MEST: variants seen among roughly 807,000 people sequenced by gnomAD.
MEST encodes the protein mesoderm-specific transcript homolog protein.
MEST carries 18 observed loss-of-function variants against 50.9 expected under a neutral mutation model. The observed-to-expected ratio is 0.35, with a 90% CI of 0.24 to 0.52. The LOEUF (loss-of-function observed/expected upper bound fraction) is 0.52, where lower values mean the gene tolerates loss of function less well. Among genes scored for constraint, MEST ranks in the 20% least tolerant of loss-of-function variants. The probability of loss-of-function intolerance (pLI) is 0.94; values close to 1 mark genes in which losing one functional copy is unlikely to be tolerated. For synonymous variants in MEST, 130 were observed against 154.1 expected, an observed-to-expected ratio of 0.84 and a Z score of 1.16; for missense variants, 282 against 425.3, an observed-to-expected ratio of 0.66 and a Z score of 2.96.
chr7:130,499,801 A>G (rs1239283966), intron 6 of MEST, 74 bp from the exon 7 acceptor site: 6 of 1,257,262 alleles, frequency 4.8e-6, no homozygotes, highest in Admixed American at 4.3e-5. Context: ...TGGGCAACCC[A>G]GTGAGATCCC....
chr7:130,489,154 T>C (rs1220348994), upstream of MEST: 1 of 152,202 alleles, frequency 6.6e-6, no homozygotes, highest in Non-Finnish European at 1.5e-5. Context: ...GCTGATCCCA[T>C]ACCACTGTTG....
intron 11 of MEST, 132 bp downstream of exon 11, chr7:130,504,128 T>A: frequency 3.0e-6 from 2 of 669,270 alleles, no homozygotes; most frequent in South Asian, 2.0e-5. Context: ...CAGGAAACAA[T>A]AAAAAGATTG....
chr7:130,491,889 C>T (rs1327778714), upstream of MEST, among the ~76,000 whole-genome samples: 3 of 151,894 alleles, frequency 2.0e-5, no homozygotes, highest in Admixed American at 1.3e-4. The surrounding 1 kb of genome is among the most constrained non-coding windows in gnomAD (Gnocchi z 6.8). Flanking sequence ...GGAGGGGGCT[C>T]GACACCCCTG....
rs782547245 is a variant in MEST, at chr7:130,498,131, T to G, written c.340-8T>G. 1 of 1,614,130 alleles carries G rather than the reference T, an allele frequency of 6.2e-7. No homozygotes were observed. Among genetic ancestry groups the G allele is most frequent in the Non-Finnish European group, 8.5e-7 (1 of 1,180,028 alleles). ...TCATCCTGTGTATGTGGGCTTTCCT[T>G]TCCTCAGAGACCACATCACTATTCC... On this transcript the variant is annotated splice_region_variant and splice_polypyrimidine_tract_variant and intron_variant, in intron 4 of 11. Coordinates refer to ENST00000223215, the MANE Select transcript of MEST (RefSeq NM_002402.4).
Position 130,495,417 on chromosome 7 carries a change from G to A in MEST, c.76G>A (p.Ala26Thr). ...GGGGCTGCTGGCCGTGCCCCTGCTT[G>A]CTGCGTACCTGCACATCCCACCCCC... ...QVGLLAVPLLAAYLHIPPPQL... is the reference protein window; with the variant it reads ...QVGLLAVPLLTAYLHIPPPQL... Residue 26 changes from alanine to threonine, a missense_variant, in exon 2 of 12, where the codon GCT (alanine) becomes ACT (threonine). Coordinates refer to ENST00000223215, the MANE Select transcript of MEST (RefSeq NM_002402.4). The A allele has an allele frequency of 6.2e-7, 1 of 1,613,752 alleles. No homozygotes were observed. The highest frequency in any genetic ancestry group is 8.5e-7 in the Non-Finnish European group (1 of 1,179,856).
Position 130,500,735 on chromosome 7 carries a change from T to G in MEST, c.648-54T>G, listed in dbSNP as rs1799245439. 1 of 1,479,748 alleles carries G rather than the reference T, an allele frequency of 6.8e-7. No individual in the cohort carries two copies. The highest frequency in any genetic ancestry group is 1.4e-5 in the African/African-American group (1 of 72,188). 91.7% of individuals were successfully genotyped at this position (1,479,748 alleles called of 1,614,324 possible). A position where few individuals can be genotyped will look rare whatever the true frequency, so the allele number is the denominator to read the frequency against. The stretch of plus-strand genomic sequence containing the variant: ...ATGGCCTCTGAGGTTCCAGCCATAT[T>G]GAACATTCTGAGTTCTCCTCACACT... On this transcript the variant is annotated intron_variant, in intron 8 of 11. Coordinates refer to ENST00000223215, the MANE Select transcript of MEST (RefSeq NM_002402.4). This position sits in a 1 kb window ranked among gnomAD's most constrained non-coding sequence, Gnocchi z 5.0.
At position 130,497,916 on chromosome 7, in the gene MEST, T is replaced by C; in HGVS notation, c.262-20T>C. On this transcript the variant is annotated intron_variant, in intron 3 of 11. Transcript: ENST00000223215. The surrounding 1 kb of genome is among the most constrained non-coding windows in gnomAD (Gnocchi z 4.0). ...GAGGGGCAGGAGCAGAAAGCCCAAATCATCGTTTCTTTCTTGTAGATTTGG... is the reference window on the plus strand; with the variant it reads ...GAGGGGCAGGAGCAGAAAGCCCAAACCATCGTTTCTTTCTTGTAGATTTGG... The C allele has an allele frequency of 6.2e-7, 1 of 1,613,172 alleles. No individual in the cohort carries two copies. The highest frequency in any genetic ancestry group is 8.5e-7 in the Non-Finnish European group (1 of 1,179,368).
In MEST at chr7:130,492,395, A is replaced by T. The variant is rs1295866803; in HGVS notation, c.26+56A>T. On this transcript the variant is annotated intron_variant, in intron 1 of 11. Transcript: ENST00000223215. The surrounding 1 kb of genome is among the most constrained non-coding windows in gnomAD (Gnocchi z 7.6). ...GCTGGCGGCCCTGGGACTAGGGCGCAGGCGAGCGGAGGACTGTGTGCCCGT... is the reference window on the plus strand; with the variant it reads ...GCTGGCGGCCCTGGGACTAGGGCGCTGGCGAGCGGAGGACTGTGTGCCCGT... The T allele has an allele frequency of 6.5e-6, 8 of 1,230,910 alleles. No homozygotes were observed. Among genetic ancestry groups the T allele is most frequent in the Non-Finnish European group, 7.2e-6 (7 of 974,184 alleles). 76.2% of individuals were successfully genotyped at this position (1,230,910 alleles called of 1,614,324 possible).
At chr7:130,488,506 T>C (rs1286396740), upstream of MEST, 2 of 152,218 alleles carry the variant, frequency 1.3e-5, no homozygotes, top group African/African-American at 2.4e-5. Context: ...TGTGGAGTAG[T>C]GGAAAGAAGG....
intron 6 of MEST, 73 bp downstream of exon 6, chr7:130,498,550 A>G: frequency 7.7e-7 from 1 of 1,307,020 alleles, no homozygotes; most frequent in Non-Finnish European, 1.1e-6. Context: ...CGGCACCTAA[A>G]TGGTAATCTG....
At chr7:130,493,184 A>G (rs1314869784) in intron 1 of MEST, 1 of 152,216 alleles carries the variant, frequency 6.6e-6, no homozygotes, top group Non-Finnish European at 1.5e-5. Flanking sequence ...CGATGTGACC[A>G]AACTGTCATG....
At chr7:130,488,909 C>G (rs929962474), upstream of MEST, 1 of 152,192 alleles carries the variant, frequency 6.6e-6, no homozygotes, top group African/African-American at 2.4e-5. Context: ...AGGGTCCTGT[C>G]TTACTGATTC....
intron 1 of MEST, chr7:130,486,690 C>T (rs1798630026): frequency 6.6e-6 from 1 of 152,264 alleles, no homozygotes; most frequent in Non-Finnish European, 1.5e-5. Context: ...ACACAAAAGT[C>T]ACACAACCCT....
chr7:130,493,141 T>C (rs1798896641), intron 1 of MEST: 2 of 152,152 alleles, frequency 1.3e-5, no homozygotes, highest in African/African-American at 4.8e-5. Flanking sequence ...TAAGTATTTT[T>C]CAGATTTCAG....
upstream of MEST, chr7:130,488,935 C>A (rs879959823): frequency 1.3e-5 from 2 of 152,174 alleles, no homozygotes; most frequent in Non-Finnish European, 2.9e-5. Context: ...GTTTCTCAAC[C>A]AAAACCCCTT....
rs1799229630 is a variant in MEST at position 130,500,381 on chromosome 7, A to C, written c.577-81A>C. 1 of 1,206,296 alleles carries C rather than the reference A, an allele frequency of 8.3e-7. No individual in the cohort carries two copies. Among genetic ancestry groups the C allele is most frequent in the Admixed American group, 2.2e-5 (1 of 45,148 alleles). The allele number at this position is 1,206,296 out of a possible 1,614,324, so 74.7% of individuals were successfully genotyped here. A position where few individuals can be genotyped will look rare whatever the true frequency, so the allele number is the denominator to read the frequency against. On this transcript the variant is annotated intron_variant, in intron 7 of 11. Coordinates refer to ENST00000223215, the MANE Select transcript of MEST (RefSeq NM_002402.4). This position sits in a 1 kb window ranked among gnomAD's most constrained non-coding sequence, Gnocchi z 5.0. Reference sequence around the variant, plus strand: ...TAGCAGGAGATTTGGCTAAAGATTTAGTTCCTAGTATAAAACCTTTTGCCC... The same window carrying C: ...TAGCAGGAGATTTGGCTAAAGATTTCGTTCCTAGTATAAAACCTTTTGCCC...
rs368383134 is a variant in MEST at position 130,492,429 on chromosome 7, TG to T, written c.26+94del. On this transcript the variant is annotated intron_variant, in intron 1 of 11. Transcript: ENST00000223215. This position sits in a 1 kb window ranked among gnomAD's most constrained non-coding sequence, Gnocchi z 7.6. The stretch of plus-strand genomic sequence containing the variant: ...GAGGACTGTGTGCCCGTGTCCGAGC[TG>T]GGGCTGCCTCTGGGCGAAAACTCTA... 1.2e-4 allele frequency: 139 copies of T among 1,128,540 alleles called. 1 individual carries two copies. The highest frequency in any genetic ancestry group is 1.1e-3 in the African/African-American group (71 of 62,428). The allele number at this position is 1,128,540 out of a possible 1,614,324, so 69.9% of individuals were successfully genotyped here. A position where few individuals can be genotyped will look rare whatever the true frequency, so the allele number is the denominator to read the frequency against.
chr7:130,493,688 C>T (rs1798926069), intron 1 of MEST, among the ~76,000 whole-genome samples: 1 of 152,222 alleles, frequency 6.6e-6, no homozygotes, highest in African/African-American at 2.4e-5. Context: ...CTGGCCGCCC[C>T]TCCCGGGGCT....
upstream of MEST, chr7:130,488,791 C>T (rs1798698349): frequency 6.6e-6 from 1 of 152,214 alleles, no homozygotes; most frequent in South Asian, 2.1e-4. Context: ...TGTATCTGCT[C>T]TGTAGAACAG....
Sources: allele counts gnomAD v4.1 joint callset (sites outside exome capture counted in the v4.1 genomes callset), GRCh38; gene constraint gnomAD v4.1.1; non-coding constraint Gnocchi (gnomAD v3.1); transcripts MANE v1.5; gene names NCBI Gene and HGNC (gene_info 2026-07-23, HGNC 2026-07-21).